Variants in AKR1B15 observed in about 807,000 individuals in gnomAD.
The protein encoded by AKR1B15 is aldo-keto reductase family 1 member B15.
Under a neutral mutation model 38.5 loss-of-function variants are expected in AKR1B15, and 49 were observed. That is an observed-to-expected ratio of 1.27 (90% CI 1.01 to 1.62). The LOEUF (loss-of-function observed/expected upper bound fraction) is 1.62, where lower values mean the gene tolerates loss of function less well. Ranked by LOEUF, AKR1B15 falls within the 40% of genes most tolerant of loss-of-function variation. The pLI, the probability that AKR1B15 is intolerant of heterozygous loss-of-function variation, is 0.00. For missense variants in AKR1B15, 411 were observed against 381.6 expected (o/e 1.08, Z -0.64); for synonymous variants, 137 against 135.5 (o/e 1.01, Z -0.08).
chr7:134,566,845 C>G (rs7787818), intron 3 of AKR1B15, among the ~76,000 whole-genome samples: 78,856 of 151,980 alleles, frequency 0.52, 20,585 homozygotes, highest in African/African-American at 0.57. Context: ...TTCATACATA[C>G]TGACTCTTGC....
intron 3 of AKR1B15, among the ~76,000 whole-genome samples, chr7:134,567,598 G>A (rs1455569526): frequency 1.3e-5 from 2 of 152,056 alleles, no homozygotes; most frequent in Non-Finnish European, 2.9e-5. Context: ...TGAATCACCT[G>A]CTTAGACCCA....
chr7:134,565,184 T>G (rs1794505003), intron 3 of AKR1B15: 1 of 367,646 alleles, frequency 2.7e-6, no homozygotes, highest in Admixed American at 3.9e-5. Flanking sequence ...ATCTTGCTGC[T>G]GCTCACTCTT....
Position 134,577,040 on chromosome 7 carries a change from C to T in AKR1B15, c.903C>T (p.Asn301=). The T allele has an allele frequency of 6.2e-7, 1 of 1,613,594 alleles. No homozygotes were observed. Among genetic ancestry groups the T allele is most frequent in the Middle Eastern group, 1.7e-4 (1 of 6,058 alleles). ...TGACACCAGCACACATTGTTGAGAA[C>T]ATTCAGGTAAGTTTCCGGCTGGTCG... is the stretch of plus-strand genomic sequence containing the variant. ...KSMTPAHIVE[N]IQVFDFKLSD... The change falls in exon 10 of 12, where the codon AAC becomes AAT. Residue 301 remains asparagine (N), a synonymous_variant. Transcript: ENST00000457545.
intron 3 of AKR1B15, chr7:134,565,225 G>A (rs1028402133): frequency 6.1e-6 from 3 of 495,050 alleles, no homozygotes; most frequent in Admixed American, 3.3e-5. Context: ...GAGCTACAAC[G>A]ATCACCACGA....
At chr7:134,577,196 C>T (rs1030723227) in intron 10 of AKR1B15, 150 bp downstream of exon 10, 11 of 830,334 alleles carry the variant, frequency 1.3e-5, no homozygotes, top group Admixed American at 7.7e-5. Context: ...GAGCTAGGCT[C>T]GGTAGAGCTG....
intron 4 of AKR1B15, among the ~76,000 whole-genome samples, 161 bp downstream of exon 4, chr7:134,568,486 G>A (rs747620869): frequency 5.9e-5 from 9 of 152,178 alleles, no homozygotes; most frequent in Admixed American, 2.0e-4. Flanking sequence ...ACTCCAAGCC[G>A]TTATTGATAT....
chr7:134,577,673 C>T (rs1462527786), intron 10 of AKR1B15, 31 bp from the exon 11 acceptor site: 13 of 1,607,036 alleles, frequency 8.1e-6, no homozygotes, highest in East Asian at 4.5e-5. Flanking sequence ...ACAGCCTTAC[C>T]GATAATGTAT....
rs1474846171 is a variant in AKR1B15 at position 134,579,612 on chromosome 7, C to A, written c.*63C>A. 2 of 1,430,434 alleles carry A rather than the reference C, an allele frequency of 1.4e-6. No homozygotes were observed. Among genetic ancestry groups the A allele is most frequent in the Non-Finnish European group, 1.9e-6 (2 of 1,053,014 alleles). 88.6% of individuals were successfully genotyped at this position (1,430,434 alleles called of 1,614,324 possible). ...TTTCTTCGCTGAAGTGTGACTGTCTCCACTCAAGAACTATTTTAGCCAAGC... is the reference window on the plus strand; with the variant it reads ...TTTCTTCGCTGAAGTGTGACTGTCTACACTCAAGAACTATTTTAGCCAAGC... On this transcript the variant is annotated 3_prime_UTR_variant, in exon 12 of 12. Transcript: ENST00000457545.
At chr7:134,568,458 G>A in intron 4 of AKR1B15, 133 bp downstream of exon 4, 1 of 1,336,150 alleles carries the variant, frequency 7.5e-7, no homozygotes, top group Non-Finnish European at 1.0e-6. Flanking sequence ...TAACATCCGT[G>A]GATACAATAC....
rs116680892 is a variant in AKR1B15, at chr7:134,577,056, C to T, written c.909+10C>T. ...TGTTGAGAACATTCAGGTAAGTTTCCGGCTGGTCGGGCCTGGTATTCCTCA... is the reference window on the plus strand; with the variant it reads ...TGTTGAGAACATTCAGGTAAGTTTCTGGCTGGTCGGGCCTGGTATTCCTCA... On this transcript the variant is annotated intron_variant, in intron 10 of 11. Transcript: ENST00000457545. 1.7e-3 allele frequency: 2,714 copies of T among 1,610,852 alleles called. 42 individuals are homozygous for T. The African/African-American group carries it at 0.03, about 18-fold the overall frequency.
chr7:134,552,901 C>T (rs1794037484), intron 1 of AKR1B15, among the ~76,000 whole-genome samples: 1 of 152,110 alleles, frequency 6.6e-6, no homozygotes, highest in Non-Finnish European at 1.5e-5. Flanking sequence ...GATCTTTTAC[C>T]ATTCTGAGCC....
intron 2 of AKR1B15, among the ~76,000 whole-genome samples, chr7:134,563,121 C>T (rs1794458168): frequency 6.6e-6 from 1 of 151,926 alleles, no homozygotes; most frequent in African/African-American, 2.4e-5. Flanking sequence ...ATACTGTTAC[C>T]CAAGAGAACT....
intron 2 of AKR1B15, among the ~76,000 whole-genome samples, chr7:134,558,274 T>G (rs565961432): frequency 2.6e-4 from 39 of 152,240 alleles, no homozygotes; most frequent in Non-Finnish European, 5.3e-4. Flanking sequence ...TGAGACCATT[T>G]CAAAGTGTTC....
At chr7:134,564,286 C>T (rs1188127099) in intron 2 of AKR1B15, among the ~76,000 whole-genome samples, 1 of 152,228 alleles carries the variant, frequency 6.6e-6, no homozygotes, top group Non-Finnish European at 1.5e-5. Context: ...TCTAAATAGA[C>T]TCTTTGACAG....
At chr7:134,567,750 T>C (rs901820313) in intron 3 of AKR1B15, among the ~76,000 whole-genome samples, 2 of 152,204 alleles carry the variant, frequency 1.3e-5, no homozygotes, top group Non-Finnish European at 2.9e-5. Context: ...AAAGTTGTAG[T>C]GGAGCCATCT....
intron 5 of AKR1B15, 136 bp from the exon 6 acceptor site, chr7:134,571,468 G>A: frequency 2.8e-6 from 2 of 709,720 alleles, no homozygotes; most frequent in Non-Finnish European, 2.5e-6. Context: ...TCACATTCTT[G>A]TAGTATGTAC....
chr7:134,551,686 A>G (rs376762684), intron 1 of AKR1B15, among the ~76,000 whole-genome samples: 19 of 152,170 alleles, frequency 1.2e-4, no homozygotes, highest in East Asian at 5.8e-4. Flanking sequence ...GCCATCCAAG[A>G]AGCCAAAAAG....
chr7:134,570,127 C>T (rs187305453), intron 5 of AKR1B15: 1 of 152,468 alleles, frequency 6.6e-6, no homozygotes, highest in Non-Finnish European at 1.5e-5. Context: ...AATGGCTGCT[C>T]TGGGGACGGC....
chr7:134,567,934 C>T (rs184770997), intron 3 of AKR1B15, among the ~76,000 whole-genome samples: 1 of 152,128 alleles, frequency 6.6e-6, no homozygotes, highest in East Asian at 1.9e-4. Context: ...CAAAGAAGAC[C>T]CCAGCGAAGC....
Sources: allele counts gnomAD v4.1 joint callset (sites outside exome capture counted in the v4.1 genomes callset), GRCh38; gene constraint gnomAD v4.1.1; transcripts MANE v1.5; gene names NCBI Gene and HGNC (gene_info 2026-07-23, HGNC 2026-07-21).